Variants in WDR33 observed in about 807,000 individuals in gnomAD.
The protein encoded by WDR33 is WD repeat domain 33, also known as pre-mRNA 3' end processing protein WDR33.
WDR33 carries 47 observed loss-of-function variants against 164.9 expected under a neutral mutation model. The observed-to-expected ratio is 0.29, with a 90% confidence interval of 0.23 to 0.36. The LOEUF (loss-of-function observed/expected upper bound fraction) is 0.36. WDR33 is among the 10% of genes least tolerant of loss of function. The probability of loss-of-function intolerance (pLI) is 1.00; values close to 1 mark genes in which losing one functional copy is unlikely to be tolerated. For synonymous variants in WDR33, 505 were observed against 589.0 expected, an observed-to-expected ratio of 0.86 and a Z score of 2.06; for missense variants, 1,137 against 1,754.1, an observed-to-expected ratio of 0.65 and a Z score of 6.28.
In WDR33 at chr2:127,717,364, AT is replaced by A; in HGVS notation, c.2761-102del. 2 of 919,788 alleles carry A rather than the reference AT, an allele frequency of 2.2e-6. No individual in the cohort carries two copies. Among genetic ancestry groups the A allele is most frequent in the Non-Finnish European group, 1.6e-6 (1 of 643,348 alleles). The allele number at this position is 919,788 out of a possible 1,614,324, so 57.0% of individuals were successfully genotyped here. On this transcript the variant is annotated intron_variant, in intron 16 of 21. Coordinates refer to ENST00000322313, the MANE Select transcript of WDR33 (RefSeq NM_018383.5). The surrounding 1 kb of genome is among the most constrained non-coding windows in gnomAD (Gnocchi z 5.6). ...GACAAGATAAAAATACCCAGTAAAT[AT>A]TTACCTAGTAAGATTACAGTAACAT...
intron 7 of WDR33, among the ~76,000 whole-genome samples, chr2:127,749,434 G>A (rs1232170740): frequency 6.6e-6 from 1 of 152,134 alleles, no homozygotes; most frequent in Non-Finnish European, 1.5e-5. Context: ...GGCTGAGGCA[G>A]GTGGATCACC....
chr2:127,764,548 C>A lies in WDR33; in HGVS notation c.626+280G>T. On this transcript the variant is annotated intron_variant, in intron 6 of 21. Transcript: ENST00000322313. The surrounding 1 kb of genome is among the most constrained non-coding windows in gnomAD (Gnocchi z 6.2). Reference sequence around the variant, plus strand: ...AGATAATAAAAAGGAATAACGTATACACATTATTAATCATAAATGAAAAGA... The same window carrying A: ...AGATAATAAAAAGGAATAACGTATAAACATTATTAATCATAAATGAAAAGA... The A allele has an allele frequency of 6.5e-7, 1 of 1,545,480 alleles. No homozygotes were observed. Among genetic ancestry groups the A allele is most frequent in the South Asian group, 1.2e-5 (1 of 82,390 alleles).
At chr2:127,807,480 A>C (rs1689481645) in intron 1 of WDR33, among the ~76,000 whole-genome samples, 2 of 152,182 alleles carry the variant, frequency 1.3e-5, no homozygotes, top group Non-Finnish European at 1.5e-5. Context: ...ATCTGCTCAA[A>C]ATGGTAAGGC....
chr2:127,764,562 T>C lies in WDR33; in HGVS notation c.626+266A>G, dbSNP rs1427342296. The C allele has an allele frequency of 1.3e-6, 2 of 1,549,558 alleles. No individual in the cohort carries two copies. The highest frequency in any genetic ancestry group is 1.7e-6 in the Non-Finnish European group (2 of 1,146,500). On this transcript the variant is annotated intron_variant, in intron 6 of 21. Transcript: ENST00000322313. The surrounding 1 kb of genome is among the most constrained non-coding windows in gnomAD (Gnocchi z 6.2). The stretch of plus-strand genomic sequence containing the variant: ...AATAACGTATACACATTATTAATCA[T>C]AAATGAAAAGAGAAAACCAGTGCAA...
intron 1 of WDR33, among the ~76,000 whole-genome samples, chr2:127,791,230 C>T (rs1022660393): frequency 5.8e-5 from 8 of 137,916 alleles, no homozygotes; most frequent in African/African-American, 2.2e-4. Context: ...ACAATCATAC[C>T]TCACTGCAGC....
Position 127,703,116 on chromosome 2 carries a change from A to G in WDR33, c.*3207T>C, listed in dbSNP as rs1177872444. 6.0e-6 allele frequency: 1 copy of G among 167,068 alleles called. No individual in the cohort carries two copies. Among genetic ancestry groups the G allele is most frequent in the Non-Finnish European group, 1.5e-5 (1 of 68,118 alleles). The allele number at this position is 167,068 out of a possible 1,614,324, so 10.3% of individuals were successfully genotyped here. A position where few individuals can be genotyped will look rare whatever the true frequency, so the allele number is the denominator to read the frequency against. The stretch of plus-strand genomic sequence containing the variant: ...ATTTATTGCCAGAAGGTATGAGCCT[A>G]ACATTCTGATGAGTCCAGAAAACTA... On this transcript the variant is annotated 3_prime_UTR_variant, in exon 22 of 22. Transcript: ENST00000322313.
intron 1 of WDR33, among the ~76,000 whole-genome samples, chr2:127,786,837 T>C (rs1688592236): frequency 7.2e-6 from 1 of 139,350 alleles, no homozygotes; most frequent in Non-Finnish European, 1.5e-5. Context: ...ATTTCTTCCT[T>C]TCTGTTCTTT....
At position 127,709,663 on chromosome 2, in the gene WDR33, C is replaced by T. The variant is rs1686105560; in HGVS notation, c.3472+30G>A. ...CAGTGTATTCTGCACCCTATCCTTC[C>T]AGACCAGGTGTCTTTAGTAACTCGC... On this transcript the variant is annotated intron_variant, in intron 19 of 21. Coordinates refer to ENST00000322313, the MANE Select transcript of WDR33 (RefSeq NM_018383.5). The surrounding 1 kb of genome is among the most constrained non-coding windows in gnomAD (Gnocchi z 5.0). 5 of 1,614,130 alleles carry T rather than the reference C, an allele frequency of 3.1e-6. No individual in the cohort carries two copies. Among genetic ancestry groups the T allele is most frequent in the Middle Eastern group, 1.6e-4 (1 of 6,062 alleles).
intron 4 of WDR33, 109 bp downstream of exon 4, chr2:127,768,080 A>C (rs1488990988): frequency 6.2e-6 from 4 of 645,936 alleles, no homozygotes; most frequent in Non-Finnish European, 9.3e-6. Context: ...ACCAATTATA[A>C]GCCCAGATAT....
intron 1 of WDR33, among the ~76,000 whole-genome samples, chr2:127,801,815 C>T (rs1364803174): frequency 6.6e-6 from 1 of 151,888 alleles, no homozygotes; most frequent in Non-Finnish European, 1.5e-5. Context: ...ACCCAGGAGA[C>T]GGATGCTGCA....
chr2:127,715,853 T>C (rs1468798126), intron 17 of WDR33, among the ~76,000 whole-genome samples: 1 of 152,214 alleles, frequency 6.6e-6, no homozygotes, highest in Non-Finnish European at 1.5e-5. Flanking sequence ...GCGGCGGTTA[T>C]TCCAGTAGGG....
chr2:127,739,937 A>G (rs180770638), intron 7 of WDR33, among the ~76,000 whole-genome samples: 112 of 152,338 alleles, frequency 7.4e-4, no homozygotes, highest in African/African-American at 2.4e-3. Flanking sequence ...GATTATGAAC[A>G]TTCACCCCAA....
intron 1 of WDR33, among the ~76,000 whole-genome samples, chr2:127,775,006 T>G (rs1688142319): frequency 6.6e-6 from 1 of 152,164 alleles, no homozygotes; most frequent in Non-Finnish European, 1.5e-5. Context: ...AATGACTGCT[T>G]AATTAAAATA....
chr2:127,713,497 A>T lies in WDR33; in HGVS notation c.3308+86T>A. The T allele has an allele frequency of 7.0e-7, 1 of 1,438,382 alleles. No homozygotes were observed. The highest frequency in any genetic ancestry group is 9.5e-7 in the Non-Finnish European group (1 of 1,051,812). The allele number at this position is 1,438,382 out of a possible 1,614,324, so 89.1% of individuals were successfully genotyped here. The stretch of plus-strand genomic sequence containing the variant: ...TAATTGATATAATTCTCTTTCCTCA[A>T]GAAAAAGAAGAAAGAGACCTTTGTG... On this transcript the variant is annotated intron_variant, in intron 18 of 21. Transcript: ENST00000322313. The surrounding 1 kb of genome is among the most constrained non-coding windows in gnomAD (Gnocchi z 6.2).
intron 1 of WDR33, among the ~76,000 whole-genome samples, chr2:127,802,509 T>C (rs914782164): frequency 6.6e-6 from 1 of 152,122 alleles, no homozygotes; most frequent in Admixed American, 6.6e-5. Flanking sequence ...CTCAAACTCC[T>C]GACCCCAGGT....
intron 21 of WDR33, among the ~76,000 whole-genome samples, chr2:127,707,719 T>C (rs936566852): frequency 6.6e-6 from 1 of 152,188 alleles, no homozygotes; most frequent in Non-Finnish European, 1.5e-5. Context: ...GCATGGTGGC[T>C]CATGAGAGGC....
Position 127,705,992 on chromosome 2 carries a change from G to A in WDR33, c.*331C>T, listed in dbSNP as rs1022718818. On this transcript the variant is annotated 3_prime_UTR_variant, in exon 22 of 22. Coordinates refer to ENST00000322313, the MANE Select transcript of WDR33 (RefSeq NM_018383.5). The surrounding 1 kb of genome is among the most constrained non-coding windows in gnomAD (Gnocchi z 4.5). Reference sequence around the variant, plus strand: ...TTTTCTCTGACAAACTGTACACATAGAAACAAATTTCCAAATGGACAGGAA... The same window carrying A: ...TTTTCTCTGACAAACTGTACACATAAAAACAAATTTCCAAATGGACAGGAA... The A allele has an allele frequency of 3.5e-6, 1 of 286,774 alleles. No individual in the cohort carries two copies. The highest frequency in any genetic ancestry group is 2.2e-5 in the African/African-American group (1 of 46,216). 17.8% of individuals were successfully genotyped at this position (286,774 alleles called of 1,614,324 possible).
At chr2:127,736,697 TG>T in intron 7 of WDR33, 22 of 985,458 alleles carry the variant, frequency 2.2e-5, no homozygotes, top group Non-Finnish European at 2.7e-5. Flanking sequence ...ATTAGTGCCG[TG>T]TAACTTCTTA....
At chr2:127,788,442 T>G in intron 1 of WDR33, among the ~76,000 whole-genome samples, 1 of 92,268 alleles carries the variant, frequency 1.1e-5, no homozygotes, top group Admixed American at 1.0e-4. Flanking sequence ...CCCACCTCCC[T>G]CCCGGACGGG....
Sources: allele counts gnomAD v4.1 joint callset (sites outside exome capture counted in the v4.1 genomes callset), GRCh38; gene constraint gnomAD v4.1.1; non-coding constraint Gnocchi (gnomAD v3.1); transcripts MANE v1.5; gene names NCBI Gene and HGNC (gene_info 2026-07-23, HGNC 2026-07-21).